The following CNTN4 variants were observed in gnomAD, a reference collection of about 807,000 sequenced individuals.
The protein encoded by CNTN4 is contactin 4.
In CNTN4, 77 loss-of-function variants were observed where a neutral mutation model predicts 122.5. The ratio of observed to expected loss-of-function variants is 0.63; its 90% confidence interval spans 0.52 to 0.76. CNTN4 has a LOEUF of 0.76. Ranked by LOEUF, CNTN4 falls within the 30% of genes least tolerant of loss-of-function variation. The probability of loss-of-function intolerance (pLI) is 0.00; values close to 1 mark genes in which losing one functional copy is unlikely to be tolerated. For synonymous variants in CNTN4, 512 were observed against 447.0 expected, an observed-to-expected ratio of 1.15 and a Z score of -1.83; for missense variants, 1,256 against 1,259.1, an observed-to-expected ratio of 1.00 and a Z score of 0.04.
chr3:2,421,709 A>T (rs1289756442), intron 3 of CNTN4, among the ~76,000 whole-genome samples: 1 of 152,192 alleles, frequency 6.6e-6, no homozygotes, highest in Non-Finnish European at 1.5e-5. Context: ...TTCATTGAAA[A>T]TAGGGCAAAC....
intron 2 of CNTN4, among the ~76,000 whole-genome samples, chr3:2,132,672 T>A (rs2034507745): frequency 6.6e-6 from 1 of 152,184 alleles, no homozygotes; most frequent in African/African-American, 2.4e-5. Flanking sequence ...TCATTTTTCC[T>A]TAGTGCAGGA....
rs2094040939 is a variant in CNTN4 at position 2,891,552 on chromosome 3, C to G, written c.940+4328C>G. 1.3e-5 allele frequency among the ~76,000 whole-genome samples: 2 copies of G among 152,116 alleles called. 1 individual carries two copies. Among genetic ancestry groups the G allele is most frequent in the South Asian group, 4.2e-4 (2 of 4,816 alleles). On this transcript the variant is annotated intron_variant, in intron 10 of 24. Transcript: ENST00000418658. ...AGGAAAGACTTGTCTGGGAATTGCC[C>G]TCTGACCCAAAACCTAAAGGATGAA...
At chr3:2,223,617 G>A (rs528974236) in intron 2 of CNTN4, among the ~76,000 whole-genome samples, 1 of 152,144 alleles carries the variant, frequency 6.6e-6, no homozygotes, top group Admixed American at 6.5e-5. Context: ...CTGCTTATGA[G>A]AATGTCCCTT....
intron 3 of CNTN4, among the ~76,000 whole-genome samples, chr3:2,534,248 G>T (rs2077711023): frequency 6.6e-6 from 1 of 152,162 alleles, no homozygotes; most frequent in Admixed American, 6.5e-5. Context: ...GGTCTAACAT[G>T]TAAGTCTTCA....
chr3:2,254,601 T>A (rs980647127), intron 2 of CNTN4, among the ~76,000 whole-genome samples: 11 of 152,244 alleles, frequency 7.2e-5, no homozygotes, highest in African/African-American at 2.4e-4. Flanking sequence ...CGTGAGATGG[T>A]ATCTCATTGT....
In CNTN4 at chr3:2,521,015, A is replaced by C. The variant is rs115528774; in HGVS notation, c.-88-50401A>C. Among the ~76,000 whole-genome samples the C allele has an allele frequency of 4.4e-3, 663 of 152,246 alleles. 4 individuals carry two copies. The highest frequency in any genetic ancestry group is 0.015 in the African/African-American group (639 of 41,570). ...CGTGCATTCTAGTATGGTGACAAAA[A>C]GGAAAGGCAGTGTTCTCCAAGCCAC... On this transcript the variant is annotated intron_variant, in intron 3 of 24. Coordinates refer to ENST00000418658, the MANE Select transcript of CNTN4 (RefSeq NM_175607.3).
At chr3:2,598,595 T>C (rs969782019) in intron 4 of CNTN4, among the ~76,000 whole-genome samples, 2 of 152,204 alleles carry the variant, frequency 1.3e-5, no homozygotes, top group Middle Eastern at 3.2e-3. Context: ...GCCAGTACTC[T>C]TTCCTTGATT....
intron 2 of CNTN4, among the ~76,000 whole-genome samples, chr3:2,234,510 C>T (rs1323427631): frequency 6.6e-6 from 1 of 151,940 alleles, no homozygotes; most frequent in Non-Finnish European, 1.5e-5. Context: ...ATTCCTGACA[C>T]TGGACCAAGA....
intron 6 of CNTN4, among the ~76,000 whole-genome samples, chr3:2,794,005 C>A (rs1025832085): frequency 1.2e-4 from 18 of 152,098 alleles, no homozygotes; most frequent in African/African-American, 4.1e-4. Context: ...TACTGCCATG[C>A]ATATTTTTCT....
chr3:2,825,311 C>T (rs1559547294), intron 7 of CNTN4, among the ~76,000 whole-genome samples: 1 of 152,080 alleles, frequency 6.6e-6, no homozygotes, highest in Non-Finnish European at 1.5e-5. Context: ...CTGCAACCTC[C>T]GCCTCCCAGT....
chr3:2,338,813 T>G (rs2044065160), intron 2 of CNTN4, among the ~76,000 whole-genome samples: 1 of 152,122 alleles, frequency 6.6e-6, no homozygotes. Flanking sequence ...TGCTCAATTT[T>G]TATTATTTTA....
intron 4 of CNTN4, among the ~76,000 whole-genome samples, chr3:2,634,214 T>G (rs1377896965): frequency 6.6e-6 from 1 of 152,184 alleles, no homozygotes; most frequent in Non-Finnish European, 1.5e-5. Flanking sequence ...ATCTTAACAT[T>G]CAGTCTGTAG....
intron 2 of CNTN4, among the ~76,000 whole-genome samples, chr3:2,232,139 A>T (rs1289850243): frequency 2.0e-5 from 3 of 152,154 alleles, no homozygotes; most frequent in African/African-American, 7.2e-5. Flanking sequence ...TGATCACATC[A>T]TCATCGTCAT....
intron 12 of CNTN4, among the ~76,000 whole-genome samples, chr3:2,917,350 G>GGGAGAC (rs149943369): frequency 0.39 from 58,959 of 150,648 alleles, 11,756 homozygotes; most frequent in East Asian, 0.63. Context: ...GAGAGGAAGA[G>GGGAGAC]GGAGACGGAG....
chr3:2,748,173 A>G (rs2089898350), intron 6 of CNTN4, among the ~76,000 whole-genome samples: 1 of 152,200 alleles, frequency 6.6e-6, no homozygotes, highest in Non-Finnish European at 1.5e-5. Context: ...TTTTTCAGTT[A>G]ATGAAGCTGA....
chr3:2,217,407 A>G (rs1305164839), intron 2 of CNTN4, among the ~76,000 whole-genome samples: 1 of 152,222 alleles, frequency 6.6e-6, no homozygotes, highest in African/African-American at 2.4e-5. Context: ...CCATTAAAGA[A>G]CAAGATTTAT....
intron 7 of CNTN4, among the ~76,000 whole-genome samples, chr3:2,825,515 C>T (rs1254389652): frequency 6.6e-6 from 1 of 152,084 alleles, no homozygotes; most frequent in Non-Finnish European, 1.5e-5. Flanking sequence ...AGCCATCGCA[C>T]CCAGCCTAAA....
rs2046927904 is a variant in CNTN4 at position 2,403,456 on chromosome 3, T to A, written c.-89+64223T>A. On this transcript the variant is annotated intron_variant, in intron 3 of 24. Coordinates refer to ENST00000418658, the MANE Select transcript of CNTN4 (RefSeq NM_175607.3). ...TTGGGATGACCATGATGTTTCTGGA[T>A]CTTCCCGTCCCTCTGTCCCTGCTCT... Among the ~76,000 whole-genome samples, 3 of 152,162 alleles carry A rather than the reference T, an allele frequency of 2.0e-5. No homozygotes were observed. The South Asian group carries it at 6.2e-4, about 32-fold the overall frequency.
At chr3:2,515,880 G>A (rs534837089) in intron 3 of CNTN4, among the ~76,000 whole-genome samples, 123 of 151,400 alleles carry the variant, frequency 8.1e-4, no homozygotes, top group Non-Finnish European at 6.6e-4. Context: ...AAAAATTTAC[G>A]GACTAATATT....
Sources: gnomAD v4.1 joint callset for allele counts (sites outside exome capture counted in the v4.1 genomes callset) on GRCh38, gnomAD v4.1.1 for gene constraint, MANE v1.5 for transcripts, NCBI Gene and HGNC (gene_info 2026-07-23, HGNC 2026-07-21) for gene names.